GRID2IP: variants seen among roughly 807,000 people sequenced by gnomAD.
The protein encoded by GRID2IP is Grid2 interacting protein.
A neutral mutation model predicts 114.3 loss-of-function variants in GRID2IP; 78 were observed. The ratio of observed to expected loss-of-function variants is 0.68; its 90% CI spans 0.57 to 0.82. The LOEUF (loss-of-function observed/expected upper bound fraction) is 0.82. Among genes scored for constraint, GRID2IP ranks in the 40% least tolerant of loss-of-function variants. GRID2IP has a pLI of 0.00. For missense variants in GRID2IP, 1,727 were observed against 1,678.5 expected (o/e 1.03, Z -0.51); for synonymous variants, 809 against 724.0 (o/e 1.12, Z -1.89).
rs1350555430 is a variant in GRID2IP at position 6,526,120 on chromosome 7, A to C, written c.919+104T>G. ...GGTACCTGACGTGGAGGGGTTGCTGAGCAGGAGCCTACATGGGGTACAATG... is the reference window on the plus strand; with the variant it reads ...GGTACCTGACGTGGAGGGGTTGCTGCGCAGGAGCCTACATGGGGTACAATG... On this transcript the variant is annotated intron_variant, in intron 4 of 21. Coordinates refer to ENST00000457091, the MANE Select transcript of GRID2IP (RefSeq NM_001145118.2). This position sits in a 1 kb window ranked among gnomAD's most constrained non-coding sequence, Gnocchi z 7.6. The C allele has an allele frequency of 1.2e-6, 1 of 853,576 alleles. No individual in the cohort carries two copies. 52.9% of individuals were successfully genotyped at this position (853,576 alleles called of 1,614,324 possible).
chr7:6,540,721 G>C (rs912883211), intron 1 of GRID2IP, among the ~76,000 whole-genome samples: 3 of 131,400 alleles, frequency 2.3e-5, no homozygotes, highest in Admixed American at 1.7e-4. Context: ...AGTAGAGATG[G>C]GGTTTTACCA....
intron 1 of GRID2IP, among the ~76,000 whole-genome samples, chr7:6,547,288 C>T (rs867108969): frequency 6.6e-6 from 1 of 152,168 alleles, no homozygotes; most frequent in South Asian, 2.1e-4. Context: ...CACCTATAAT[C>T]CCAGCACTTT....
In GRID2IP at chr7:6,502,853, T is replaced by C. The variant is rs927772710; in HGVS notation, c.3083A>G (p.Asn1028Ser). The change falls in exon 18 of 22, where the codon AAC (asparagine) becomes AGC (serine). Residue 1028 changes from asparagine to serine, a missense_variant. Coordinates refer to ENST00000457091, the MANE Select transcript of GRID2IP (RefSeq NM_001145118.2). ...KILEFVLAMG[N>S]YLNDGQPKTN... ...TTTGGGCTGTCCATCGTTGAGATAG[T>C]TGCCCATGGCCAACACAAACTGTGG... is the stretch of plus-strand genomic sequence containing the variant. 2.6e-6 allele frequency: 4 copies of C among 1,551,868 alleles called. No individual in the cohort carries two copies. Among genetic ancestry groups the C allele is most frequent in the South Asian group, 1.2e-5 (1 of 84,062 alleles).
chr7:6,535,404 C>A (rs1343666588), intron 2 of GRID2IP, among the ~76,000 whole-genome samples: 1 of 152,238 alleles, frequency 6.6e-6, no homozygotes, highest in Non-Finnish European at 1.5e-5. Flanking sequence ...TGTCACTGCT[C>A]CCTTCTCCTT....
chr7:6,539,501 G>A (rs1203419691), intron 2 of GRID2IP, among the ~76,000 whole-genome samples: 1 of 152,080 alleles, frequency 6.6e-6, no homozygotes, highest in Non-Finnish European at 1.5e-5. Context: ...ACTCAAGGTG[G>A]TACCCTGGCA....
At position 6,507,156 on chromosome 7, in the gene GRID2IP, G is replaced by C. The variant is rs1280829650; in HGVS notation, c.2544+829C>G. 6.6e-6 allele frequency among the ~76,000 whole-genome samples: 1 copy of C among 152,208 alleles called. No homozygotes were observed. The highest frequency in any genetic ancestry group is 1.5e-5 in the Non-Finnish European group (1 of 68,034). On this transcript the variant is annotated intron_variant, in intron 13 of 21. Coordinates refer to ENST00000457091, the MANE Select transcript of GRID2IP (RefSeq NM_001145118.2). This position sits in a 1 kb window ranked among gnomAD's most constrained non-coding sequence, Gnocchi z 5.3. ...ATTGATCCCAAGAAGATGGAGTTGA[G>C]GATGATGGTGATCATGAGCACTGGG...
At position 6,551,233 on chromosome 7, in the gene GRID2IP, C is replaced by T. The variant is rs1305888119; in HGVS notation, c.204G>A (p.Leu68=). 1 of 1,527,808 alleles carries T rather than the reference C, an allele frequency of 6.5e-7. No individual in the cohort carries two copies. The highest frequency in any genetic ancestry group is 8.7e-7 in the Non-Finnish European group (1 of 1,143,208). The allele number at this position is 1,527,808 out of a possible 1,614,324, so 94.6% of individuals were successfully genotyped here. A position where few individuals can be genotyped will look rare whatever the true frequency, so the allele number is the denominator to read the frequency against. ...GGLSRERLVR[L]ARRCPRVPPS... is the part of the protein sequence containing the mutation. ...GCGGCACACGTGGGCAGCGCCGTGC[C>T]AGGCGCACGAGGCGCTCGCGGCTCA... Residue 68 remains leucine, a synonymous_variant, in exon 1 of 22, where the codon CTG becomes CTA. Coordinates refer to ENST00000457091, the MANE Select transcript of GRID2IP (RefSeq NM_001145118.2).
Position 6,520,826 on chromosome 7 carries a change from C to G in GRID2IP, c.1085-65G>C. 2 of 1,468,692 alleles carry G rather than the reference C, an allele frequency of 1.4e-6. No homozygotes were observed. Among genetic ancestry groups the G allele is most frequent in the Non-Finnish European group, 1.8e-6 (2 of 1,089,172 alleles). The allele number at this position is 1,468,692 out of a possible 1,614,324, so 91.0% of individuals were successfully genotyped here. ...AGTCCCCAGGCCAGGTGTAGTCTCC[C>G]TGGCTTTTGAGGTCAGGAGACCTCC... On this transcript the variant is annotated intron_variant, in intron 6 of 21. Transcript: ENST00000457091. The surrounding 1 kb of genome is among the most constrained non-coding windows in gnomAD (Gnocchi z 4.6).
rs778455325 is a variant in GRID2IP, at chr7:6,508,915, C to T, written c.2127+43G>A. On this transcript the variant is annotated intron_variant, in intron 12 of 21. Transcript: ENST00000457091. This position sits in a 1 kb window ranked among gnomAD's most constrained non-coding sequence, Gnocchi z 5.6. ...CACTGTTGCCTTGCAGACCGCCACACCTCGCCTCACCCGCCTCCCTCCACA... is the reference window on the plus strand; with the variant it reads ...CACTGTTGCCTTGCAGACCGCCACATCTCGCCTCACCCGCCTCCCTCCACA... 27 of 1,522,912 alleles carry T rather than the reference C, an allele frequency of 1.8e-5. No homozygotes were observed. In the East Asian group the frequency reaches 2.9e-4, roughly 17 times the overall value. 94.3% of individuals were successfully genotyped at this position (1,522,912 alleles called of 1,614,324 possible). A position where few individuals can be genotyped will look rare whatever the true frequency, so the allele number is the denominator to read the frequency against.
At position 6,514,516 on chromosome 7, in the gene GRID2IP, G is replaced by A. The variant is rs1779253666; in HGVS notation, c.1282C>T (p.Leu428Phe). ...AGCACAGGGTAGACGTCAACGATGA[G>A]GGTGTCGATGTTCCTGGGGGAAGGT... is the stretch of plus-strand genomic sequence containing the variant. ...SFFQHRNIDT[L>F]IVDVYPVLDT... Residue 428 changes from leucine to phenylalanine, a missense_variant, in exon 8 of 22, where the codon CTC becomes TTC. Coordinates refer to ENST00000457091, the MANE Select transcript of GRID2IP (RefSeq NM_001145118.2). 1 of 1,525,594 alleles carries A rather than the reference G, an allele frequency of 6.6e-7. No homozygotes were observed. Among genetic ancestry groups the A allele is most frequent in the South Asian group, 1.2e-5 (1 of 82,136 alleles). The allele number at this position is 1,525,594 out of a possible 1,614,324, so 94.5% of individuals were successfully genotyped here.
At chr7:6,531,191 A>G (rs1779616037) in intron 2 of GRID2IP, 1 of 459,114 alleles carries the variant, frequency 2.2e-6, no homozygotes, top group Non-Finnish European at 3.9e-6. Flanking sequence ...GACTCCACGC[A>G]CCTCTGCCCT....
intron 20 of GRID2IP, among the ~76,000 whole-genome samples, chr7:6,498,741 C>A (rs1003892660): frequency 6.6e-6 from 1 of 151,800 alleles, no homozygotes. Context: ...TTTACACCAC[C>A]ATACCCAGCT....
rs141014392 is a variant in GRID2IP at position 6,501,768 on chromosome 7, G to T, written c.3399+13C>A. ...ATCCAGCCTGGTGCAGGAACAGGCT[G>T]CTCAGAGGATGCCGACATGACCATT... On this transcript the variant is annotated intron_variant, in intron 20 of 21. Coordinates refer to ENST00000457091, the MANE Select transcript of GRID2IP (RefSeq NM_001145118.2). The T allele has an allele frequency of 3.1e-4, 471 of 1,537,206 alleles. No homozygotes were observed. In the African/African-American group the frequency reaches 5.8e-3, roughly 19 times the overall value.
chr7:6,545,074 C>T (rs926764611), intron 1 of GRID2IP, among the ~76,000 whole-genome samples: 2 of 151,680 alleles, frequency 1.3e-5, no homozygotes, highest in Non-Finnish European at 2.9e-5. Context: ...GTGACAGAGA[C>T]AGACTCCATC....
At chr7:6,525,687 G>A (rs1779496335) in intron 4 of GRID2IP, among the ~76,000 whole-genome samples, 1 of 152,126 alleles carries the variant, frequency 6.6e-6, no homozygotes, top group Non-Finnish European at 1.5e-5. Flanking sequence ...GAACAAGAAG[G>A]AGCAAGCAGG....
rs1205444520 is a variant in GRID2IP at position 6,526,540 on chromosome 7, C to T, written c.814G>A (p.Gly272Ser). Residue 272 changes from glycine to serine, a missense_variant, in exon 3 of 22, where the codon GGC (glycine) becomes AGC (serine). Coordinates refer to ENST00000457091, the MANE Select transcript of GRID2IP (RefSeq NM_001145118.2). This position sits in a 1 kb window ranked among gnomAD's most constrained non-coding sequence, Gnocchi z 7.6. The part of the protein sequence containing the change: ...RASLLVGGLA[G>S]PGGARRTVRV... ...GCGTACCTGCGCGCGCCCCCGGGGC[C>T]GGCGAGGCCGCCCACCAGCAAGGAG... is the stretch of plus-strand genomic sequence containing the variant. The T allele has an allele frequency of 1.6e-6, 2 of 1,225,822 alleles. No individual in the cohort carries two copies. The highest frequency in any genetic ancestry group is 1.6e-5 in the African/African-American group (1 of 63,532). 75.9% of individuals were successfully genotyped at this position (1,225,822 alleles called of 1,614,324 possible).
chr7:6,535,430 A>G (rs556941187), intron 2 of GRID2IP, among the ~76,000 whole-genome samples: 141 of 152,232 alleles, frequency 9.3e-4, no homozygotes, highest in Non-Finnish European at 1.6e-3. Flanking sequence ...CAAGCCTTCT[A>G]TTTTGGCCAC....
chr7:6,534,118 C>CA lies in GRID2IP; in HGVS notation c.584+5599dup, dbSNP rs1204685221. ...TTCCTACCAAGAACCCTGCTGAGAA[C>CA]ACCCAGAAACTACCAAGCCCGTTTT... On this transcript the variant is annotated intron_variant, in intron 2 of 21. Transcript: ENST00000457091. The surrounding 1 kb of genome is among the most constrained non-coding windows in gnomAD (Gnocchi z 4.5). Among the ~76,000 whole-genome samples, 3 of 152,162 alleles carry CA rather than the reference C, an allele frequency of 2.0e-5. No homozygotes were observed. The highest frequency in any genetic ancestry group is 4.4e-5 in the Non-Finnish European group (3 of 68,032).
At position 6,503,700 on chromosome 7, in the gene GRID2IP, CG is replaced by C. The variant is rs1436201898; in HGVS notation, c.2711-14del. On this transcript the variant is annotated splice_polypyrimidine_tract_variant and intron_variant, in intron 15 of 21. Transcript: ENST00000457091. Reference sequence around the variant, plus strand: ...GCCAAGAGGATGGCTGCGGGCGGGGCGGGGCGGTGAGCTGGGCGGGGCCGGA... The same window carrying C: ...GCCAAGAGGATGGCTGCGGGCGGGGCGGGCGGTGAGCTGGGCGGGGCCGGA... The C allele has an allele frequency of 2.1e-6, 2 of 951,864 alleles. No homozygotes were observed. The highest frequency in any genetic ancestry group is 1.6e-5 in the South Asian group (1 of 60,798). The allele number at this position is 951,864 out of a possible 1,614,324, so 59.0% of individuals were successfully genotyped here.
Sources: allele counts gnomAD v4.1 joint callset (sites outside exome capture counted in the v4.1 genomes callset), GRCh38; gene constraint gnomAD v4.1.1; non-coding constraint Gnocchi (gnomAD v3.1); transcripts MANE v1.5; gene names NCBI Gene and HGNC (gene_info 2026-07-23, HGNC 2026-07-21).